CSNK1G1: variants seen among roughly 807,000 people sequenced by gnomAD.
The protein encoded by CSNK1G1 is casein kinase 1 gamma 1, also known as casein kinase I isoform gamma-1.
In CSNK1G1, 22 loss-of-function variants were observed where a neutral mutation model predicts 59.6. The ratio of observed to expected loss-of-function variants is 0.37; its 90% CI spans 0.26 to 0.53. The LOEUF is 0.53. Ranked by LOEUF, CSNK1G1 falls within the 20% of genes least tolerant of loss-of-function variation. The pLI, the probability that CSNK1G1 is intolerant of heterozygous loss-of-function variation, is 0.89. For missense variants in CSNK1G1, 384 were observed against 519.5 expected, an observed-to-expected ratio of 0.74 and a Z score of 2.54; for synonymous variants, 179 against 177.1, an observed-to-expected ratio of 1.01 and a Z score of -0.08.
chr15:64,336,345 ACTTCCTTT>A (rs1307588071), intron 1 of CSNK1G1, among the ~76,000 whole-genome samples: 2 of 152,208 alleles, frequency 1.3e-5, no homozygotes, highest in South Asian at 2.1e-4. Context: ...CACTCTACAT[ACTTCCTTT>A]CTTCCTTTCT....
chr15:64,256,227 C>T (rs1432910203), intron 3 of CSNK1G1, among the ~76,000 whole-genome samples: 1 of 152,194 alleles, frequency 6.6e-6, no homozygotes, highest in East Asian at 1.9e-4. Context: ...CTATTCTTTC[C>T]AGAGAAATCG....
At chr15:64,207,446 AG>A in intron 7 of CSNK1G1, 62 bp downstream of exon 7, 2 of 1,229,618 alleles carry the variant, frequency 1.6e-6, no homozygotes, top group East Asian at 2.4e-5. Context: ...ATGAAGCCAG[AG>A]GCTCCTTCAT....
rs761084189 is a variant in CSNK1G1, at chr15:64,318,613, C to CT, written c.-224-17891dup. 3.1e-3 allele frequency among the ~76,000 whole-genome samples: 422 copies of CT among 135,676 alleles called. 2 individuals carry two copies. Among genetic ancestry groups the CT allele is most frequent in the East Asian group, 9.8e-3 (46 of 4,680 alleles). The allele number at this position is 135,676 out of a possible 152,430, so 89.0% of individuals were successfully genotyped here. A position where few individuals can be genotyped will look rare whatever the true frequency, so the allele number is the denominator to read the frequency against. On this transcript the variant is annotated intron_variant, in intron 1 of 11. Transcript: ENST00000303052. ...CCAGGCTGGAGTGTGGTGGCATGAT[C>CT]TTTTTTTTTTTTTTTGAGACAAAGT...
At chr15:64,231,014 C>T (rs1201962658) in intron 4 of CSNK1G1, among the ~76,000 whole-genome samples, 2 of 151,262 alleles carry the variant, frequency 1.3e-5, no homozygotes, top group Non-Finnish European at 3.0e-5. Context: ...AATAAAATTG[C>T]AGGTTATATT....
chr15:64,332,818 T>C lies in CSNK1G1; in HGVS notation c.-225+23170A>G, dbSNP rs190268874. On this transcript the variant is annotated intron_variant, in intron 1 of 11. Coordinates refer to ENST00000303052, the MANE Select transcript of CSNK1G1 (RefSeq NM_022048.5). ...AATATCTTACTTTTATGTTTAAAGT[T>C]ACATAAAATTTTTTAAAAGAATTTT... Among the ~76,000 whole-genome samples, 581 of 152,204 alleles carry C rather than the reference T, an allele frequency of 3.8e-3. 7 individuals are homozygous for C. The highest frequency in any genetic ancestry group is 0.013 in the African/African-American group (550 of 41,550).
chr15:64,321,713 G>A (rs898853176), intron 1 of CSNK1G1, among the ~76,000 whole-genome samples: 6 of 152,076 alleles, frequency 3.9e-5, no homozygotes, highest in South Asian at 2.1e-4. Context: ...CCATGAACAC[G>A]GTAAATTTAA....
chr15:64,203,610 T>G (rs2082137420), intron 9 of CSNK1G1, among the ~76,000 whole-genome samples: 1 of 146,592 alleles, frequency 6.8e-6, no homozygotes, highest in South Asian at 2.1e-4. Flanking sequence ...GGCAGGAGAA[T>G]CGCTTGAACC....
chr15:64,218,397 CTT>C (rs879565601), intron 4 of CSNK1G1, among the ~76,000 whole-genome samples: 4 of 144,626 alleles, frequency 2.8e-5, no homozygotes, highest in Admixed American at 6.9e-5. Context: ...TCCTAAACAA[CTT>C]TTTTTTTTTT....
rs531099632 is a variant in CSNK1G1, at chr15:64,210,836, G to A, written c.679+3054C>T. On this transcript the variant is annotated intron_variant, in intron 6 of 11. Coordinates refer to ENST00000303052, the MANE Select transcript of CSNK1G1 (RefSeq NM_022048.5). This position sits in a 1 kb window ranked among gnomAD's most constrained non-coding sequence, Gnocchi z 4.2. ...TGTTCGAAGCTGGGCCAAATGGAAG[G>A]TGTTTGGGTCATGGGGGTATATCCC... Among the ~76,000 whole-genome samples the A allele has an allele frequency of 6.6e-6, 1 of 152,304 alleles. No homozygotes were observed. The highest frequency in any genetic ancestry group is 2.1e-4 in the South Asian group (1 of 4,826).
chr15:64,179,803 CTGAGA>C (rs1173661534), intron 11 of CSNK1G1, among the ~76,000 whole-genome samples: 2 of 152,210 alleles, frequency 1.3e-5, no homozygotes, highest in Non-Finnish European at 2.9e-5. Flanking sequence ...CCTTACCCTC[CTGAGA>C]TGAGTATGAC....
intron 1 of CSNK1G1, among the ~76,000 whole-genome samples, chr15:64,334,595 C>T (rs996163391): frequency 6.6e-6 from 1 of 152,138 alleles, no homozygotes; most frequent in Non-Finnish European, 1.5e-5. Flanking sequence ...GAGACTCTGG[C>T]CAATCATCAG....
intron 2 of CSNK1G1, among the ~76,000 whole-genome samples, chr15:64,266,944 T>C (rs1893017957): frequency 6.6e-6 from 1 of 152,068 alleles, no homozygotes; most frequent in Admixed American, 6.6e-5. Flanking sequence ...TTCATGACAT[T>C]CTCTAGGCAA....
At chr15:64,199,298 A>T (rs1402359577) in intron 10 of CSNK1G1, among the ~76,000 whole-genome samples, 2 of 151,624 alleles carry the variant, frequency 1.3e-5, no homozygotes, top group South Asian at 2.1e-4. Flanking sequence ...AAGAGAAAAA[A>T]ATATATATCA....
At chr15:64,351,105 T>A (rs1015228159) in intron 1 of CSNK1G1, among the ~76,000 whole-genome samples, 4 of 152,206 alleles carry the variant, frequency 2.6e-5, no homozygotes, top group Non-Finnish European at 5.9e-5. Context: ...AGCCTTTTTT[T>A]ATATAATGAT....
Position 64,251,495 on chromosome 15 carries a change from G to T in CSNK1G1, c.292+17C>A. On this transcript the variant is annotated intron_variant, in intron 4 of 11. Transcript: ENST00000303052. ...AAGATACATACTAAGTAAGTGGAGA[G>T]AAAAGACTTGACTTACCTGCACTGC... 2 of 1,581,998 alleles carry T rather than the reference G, an allele frequency of 1.3e-6. No individual in the cohort carries two copies.
In CSNK1G1 at chr15:64,188,248, T is replaced by C. The variant is rs1199033384; in HGVS notation, c.1108-7794A>G. ...CCCAAGTCCACCTAGACAGAAAATC[T>C]ACAGAGATATTCAATTAGCCCTTCC... On this transcript the variant is annotated intron_variant, in intron 10 of 11. Transcript: ENST00000303052. This position sits in a 1 kb window ranked among gnomAD's most constrained non-coding sequence, Gnocchi z 4.2. 1.1e-5 allele frequency: 7 copies of C among 637,556 alleles called. No individual in the cohort carries two copies. In the East Asian group the frequency reaches 2.0e-4, roughly 18 times the overall value. 39.5% of individuals were successfully genotyped at this position (637,556 alleles called of 1,614,324 possible).
intron 2 of CSNK1G1, among the ~76,000 whole-genome samples, chr15:64,297,274 G>T (rs903368217): frequency 6.6e-6 from 1 of 151,996 alleles, no homozygotes; most frequent in Non-Finnish European, 1.5e-5. Flanking sequence ...TGAGAATGAG[G>T]AACAAGTGAT....
intron 10 of CSNK1G1, 73 bp from the exon 11 acceptor site, chr15:64,180,527 C>A: frequency 1.7e-6 from 2 of 1,199,660 alleles, no homozygotes; most frequent in South Asian, 1.2e-5. Context: ...CAGACAGGGT[C>A]GCTAAACAGG....
chr15:64,181,485 C>A, intron 10 of CSNK1G1: 1 of 1,427,746 alleles, frequency 7.0e-7, no homozygotes, highest in South Asian at 1.4e-5. Flanking sequence ...ATCATATGCC[C>A]TTGGATAAGT....
Sources: allele counts gnomAD v4.1 joint callset (sites outside exome capture counted in the v4.1 genomes callset), GRCh38; gene constraint gnomAD v4.1.1; non-coding constraint Gnocchi (gnomAD v3.1); transcripts MANE v1.5; gene names NCBI Gene and HGNC (gene_info 2026-07-23, HGNC 2026-07-21).